The following FRMD6 variants were observed in gnomAD, a reference collection of about 807,000 sequenced individuals.
The protein encoded by FRMD6 is FERM domain containing 6, also known as FERM domain-containing protein 6.
In FRMD6, 37 loss-of-function variants were observed where a neutral mutation model predicts 73.2. The ratio of observed to expected loss-of-function variants is 0.51; its 90% confidence interval spans 0.39 to 0.66. FRMD6 has a LOEUF of 0.66. Ranked by LOEUF, FRMD6 falls within the 30% of genes least tolerant of loss-of-function variation. FRMD6 has a pLI of 0.00. For synonymous variants in FRMD6, 273 were observed against 282.2 expected (o/e 0.97, Z 0.33); for missense variants, 714 against 780.5 (o/e 0.91, Z 1.02).
intron 3 of FRMD6, among the ~76,000 whole-genome samples, chr14:51,700,292 G>A (rs1349508942): frequency 6.6e-6 from 1 of 151,918 alleles, no homozygotes; most frequent in Non-Finnish European, 1.5e-5. Flanking sequence ...ATTATCTTTG[G>A]GAAATATGAA....
chr14:51,610,043 G>C (rs1890424033), intron 2 of FRMD6, among the ~76,000 whole-genome samples: 1 of 152,158 alleles, frequency 6.6e-6, no homozygotes, highest in Admixed American at 6.5e-5. Flanking sequence ...TCTGGTGCAA[G>C]CATCACGTGC....
intron 2 of FRMD6, among the ~76,000 whole-genome samples, chr14:51,591,820 T>C (rs561992142): frequency 1.2e-3 from 180 of 152,310 alleles, no homozygotes; most frequent in African/African-American, 4.1e-3. Flanking sequence ...GGATTACAGG[T>C]GTGAGCCACC....
intron 2 of FRMD6, among the ~76,000 whole-genome samples, chr14:51,626,281 G>C: frequency 6.6e-6 from 1 of 152,220 alleles, no homozygotes; most frequent in Middle Eastern, 3.4e-3. Context: ...TCTTATTTTG[G>C]AGGGGTTGTC....
chr14:51,660,613 G>GAA (rs10605746), intron 1 of FRMD6, among the ~76,000 whole-genome samples: 15,337 of 139,312 alleles, frequency 0.11, 1,080 homozygotes, highest in Non-Finnish European at 0.16. Flanking sequence ...TAAAATAAAG[G>GAA]AAAAAAAAAA....
chr14:51,678,759 G>T (rs1308094659), intron 1 of FRMD6, among the ~76,000 whole-genome samples: 1 of 148,444 alleles, frequency 6.7e-6, no homozygotes, highest in Non-Finnish European at 1.5e-5. Context: ...TAGGAACGTG[G>T]AGGCATGCTT....
At chr14:51,482,856 A>C in the FRMD6 span, among the ~76,000 whole-genome samples, 1 of 151,936 alleles carries the variant, frequency 6.6e-6, no homozygotes, top group Non-Finnish European at 1.5e-5. Context: ...GCACACCACC[A>C]CACCTGGCGA....
chr14:51,607,393 G>A (rs937348146), intron 2 of FRMD6, among the ~76,000 whole-genome samples: 1 of 152,104 alleles, frequency 6.6e-6, no homozygotes, highest in Non-Finnish European at 1.5e-5. Context: ...GGGGCAAACG[G>A]GGCATGGTCA....
At chr14:51,565,696 A>G (rs1416613213) in intron 1 of FRMD6, among the ~76,000 whole-genome samples, 1 of 151,690 alleles carries the variant, frequency 6.6e-6, no homozygotes, top group Admixed American at 6.6e-5. Context: ...AACCACCTCC[A>G]TTAACTATGA....
chr14:51,428,395 A>G, the FRMD6 span, among the ~76,000 whole-genome samples: 1 of 152,228 alleles, frequency 6.6e-6, no homozygotes, highest in Admixed American at 6.5e-5. Context: ...CCACTTTTGA[A>G]CTTGAGTGTC....
At chr14:51,548,310 C>T (rs974904081) in intron 1 of FRMD6, among the ~76,000 whole-genome samples, 1 of 152,164 alleles carries the variant, frequency 6.6e-6, no homozygotes, top group Non-Finnish European at 1.5e-5. Flanking sequence ...GCATTTGTCC[C>T]CACTTTCTTC....
At chr14:51,679,555 C>CTTTT (rs61250963) in intron 1 of FRMD6, among the ~76,000 whole-genome samples, 2 of 120,586 alleles carry the variant, frequency 1.7e-5, no homozygotes, top group Non-Finnish European at 3.5e-5. Flanking sequence ...CATTTGTTTT[C>CTTTT]TTTTTTTTTT....
At position 51,720,270 on chromosome 14, in the gene FRMD6, A is replaced by T. The variant is rs1897472657; in HGVS notation, c.1240A>T (p.Ser414Cys). The change falls in exon 11 of 14, where the codon AGC becomes TGC. Residue 414 changes from serine to cysteine, a missense_variant. By Grantham distance (112) the Ser-to-Cys change is moderately radical (BLOSUM62 -1). Transcript: ENST00000344768. ...RDTGPEDSYS[S>C]SAIHRKLKTC... ...CACGGGGCCAGAAGACAGCTACTCCAGCAGTGCCATCCACCGCAAGCTGAA... is the reference window on the plus strand; with the variant it reads ...CACGGGGCCAGAAGACAGCTACTCCTGCAGTGCCATCCACCGCAAGCTGAA... 1.9e-6 allele frequency: 3 copies of T among 1,613,904 alleles called. No individual in the cohort carries two copies. Among genetic ancestry groups the T allele is most frequent in the Non-Finnish European group, 2.5e-6 (3 of 1,179,986 alleles).
chr14:51,711,467 A>C, intron 7 of FRMD6, 64 bp from the exon 8 acceptor site: 13 of 1,077,378 alleles, frequency 1.2e-5, no homozygotes, highest in Non-Finnish European at 1.8e-5. Flanking sequence ...TTTGGTGCTA[A>C]ATTGTCCACT....
chr14:51,615,705 G>A (rs770433721), intron 2 of FRMD6, among the ~76,000 whole-genome samples: 1 of 152,102 alleles, frequency 6.6e-6, no homozygotes, highest in Non-Finnish European at 1.5e-5. Context: ...AGGAGAGGAG[G>A]GGAAAAACAA....
intron 1 of FRMD6, among the ~76,000 whole-genome samples, chr14:51,500,770 G>A (rs1054710392): frequency 1.3e-5 from 2 of 152,086 alleles, no homozygotes; most frequent in African/African-American, 2.4e-5. Context: ...GTGTGTGTGT[G>A]TGTATATACA....
At chr14:51,626,232 C>T (rs1479743697) in intron 2 of FRMD6, among the ~76,000 whole-genome samples, 1 of 152,186 alleles carries the variant, frequency 6.6e-6, no homozygotes, top group Admixed American at 6.5e-5. Context: ...CTCCTTTTCT[C>T]TTTACTGAAT....
chr14:51,501,375 A>G (rs919989925), intron 1 of FRMD6, among the ~76,000 whole-genome samples: 17 of 151,002 alleles, frequency 1.1e-4, no homozygotes, highest in Non-Finnish European at 1.5e-5. Context: ...CCCCCAACCA[A>G]CCCCTCCCAA....
chr14:51,445,472 CA>C, the FRMD6 span, among the ~76,000 whole-genome samples: 3 of 20,922 alleles, frequency 1.4e-4, no homozygotes, highest in Admixed American at 2.4e-4. Flanking sequence ...AACAGAAGTG[CA>C]ATTTTTTTTT....
At chr14:51,513,594 A>G (rs1596521899) in intron 1 of FRMD6, among the ~76,000 whole-genome samples, 1 of 150,892 alleles carries the variant, frequency 6.6e-6, no homozygotes, top group African/African-American at 2.4e-5. Flanking sequence ...CATTTGACCA[A>G]CATTCTTGGA....
Sources: gnomAD v4.1 joint callset for allele counts (sites outside exome capture counted in the v4.1 genomes callset) on GRCh38, gnomAD v4.1.1 for gene constraint, MANE v1.5 for transcripts, NCBI Gene and HGNC (gene_info 2026-07-23, HGNC 2026-07-21) for gene names.